The following MED13 variants were observed in gnomAD, a reference collection of about 807,000 sequenced individuals.
MED13 encodes mediator complex subunit 13, also known as mediator of RNA polymerase II transcription subunit 13.
MED13 carries 23 observed loss-of-function variants against 225.2 expected under a neutral mutation model. That is an observed-to-expected ratio of 0.10 (90% confidence interval 0.07 to 0.14). The LOEUF (loss-of-function observed/expected upper bound fraction) is 0.14. Ranked by LOEUF, MED13 falls within the 10% of genes least tolerant of loss-of-function variation. The pLI is 1.00. For synonymous variants in MED13, 942 were observed against 889.2 expected (o/e 1.06, Z -1.06); for missense variants, 2,197 against 2,594.5 (o/e 0.85, Z 3.33).
chr17:62,051,481 T>C (rs564382491), intron 3 of MED13, among the ~76,000 whole-genome samples: 3 of 152,334 alleles, frequency 2.0e-5, no homozygotes, highest in African/African-American at 7.2e-5. Flanking sequence ...AATGTTGTTC[T>C]GTCATTTCCA....
chr17:61,982,951 G>C lies in MED13; in HGVS notation c.3052C>G (p.Pro1018Ala). Reference sequence around the variant, plus strand: ...CCACCAGCTCCACGAGGAGTCCGAGGAGTCCTTGGAGTCCTTGGAGTTGGA... The same window carrying C: ...CCACCAGCTCCACGAGGAGTCCGAGCAGTCCTTGGAGTCCTTGGAGTTGGA... ...RFPTPRTPRT[P>A]RTPRGAGGPA... The change falls in exon 16 of 30, where the codon CCT becomes GCT. Residue 1018 changes from proline (P) to alanine (A), a missense_variant. Coordinates refer to ENST00000397786, the MANE Select transcript of MED13 (RefSeq NM_005121.3). The C allele has an allele frequency of 6.2e-7, 1 of 1,614,000 alleles. No individual in the cohort carries two copies. The highest frequency in any genetic ancestry group is 8.5e-7 in the Non-Finnish European group (1 of 1,179,960).
intron 16 of MED13, among the ~76,000 whole-genome samples, chr17:61,976,584 A>G (rs2080158378): frequency 6.6e-6 from 1 of 152,204 alleles, no homozygotes; most frequent in South Asian, 2.1e-4. Flanking sequence ...TGTATTTTTT[A>G]TAATTAGAAC....
intron 8 of MED13, 86 bp from the exon 9 acceptor site, chr17:62,011,319 G>T: frequency 8.8e-7 from 1 of 1,130,748 alleles, no homozygotes; most frequent in Non-Finnish European, 1.2e-6. Flanking sequence ...AGACACTTCG[G>T]TTATCATTTC....
Position 61,982,879 on chromosome 17 carries a change from A to G in MED13, c.3124T>C (p.Tyr1042His). 1 of 1,614,198 alleles carries G rather than the reference A, an allele frequency of 6.2e-7. No individual in the cohort carries two copies. ...GSVKYENSDL[Y>H]SPASTPSTCR... ...GTAGATGGGGTAGAAGCTGGTGAAT[A>G]CAAGTCTGAATTTTCATATTTGACT... The change falls in exon 16 of 30, where the codon TAT becomes CAT. Residue 1042 changes from tyrosine (Y) to histidine (H), a missense_variant. By Grantham distance (83) the Tyr-to-His change is moderately conservative. Transcript: ENST00000397786.
intron 8 of MED13, among the ~76,000 whole-genome samples, chr17:62,020,320 T>C (rs554336635): frequency 6.6e-6 from 1 of 151,426 alleles, no homozygotes; most frequent in African/African-American, 2.4e-5. Flanking sequence ...GCTCCTTTAA[T>C]TTTTTACATA....
At chr17:62,030,173 C>A (rs994384894) in intron 6 of MED13, 160 bp from the exon 7 acceptor site, 59 of 665,818 alleles carry the variant, frequency 8.9e-5, no homozygotes, top group African/African-American at 8.4e-4. Flanking sequence ...GGAACCAGAT[C>A]TCATTAGGCA....
chr17:61,961,506 CA>C (rs1217006383), intron 22 of MED13, 81 bp downstream of exon 22: 2 of 1,206,842 alleles, frequency 1.7e-6, no homozygotes, highest in African/African-American at 4.2e-5. Context: ...GGTGACAAAG[CA>C]AGGCTCCATC....
At chr17:62,047,528 G>A (rs767415540) in intron 3 of MED13, among the ~76,000 whole-genome samples, 11 of 152,014 alleles carry the variant, frequency 7.2e-5, no homozygotes, top group Non-Finnish European at 1.3e-4. Flanking sequence ...CACAGGGAGG[G>A]GAACATCACA....
At chr17:62,050,360 GAAAA>G (rs555050127) in intron 3 of MED13, among the ~76,000 whole-genome samples, 5 of 102,176 alleles carry the variant, frequency 4.9e-5, no homozygotes, top group South Asian at 2.9e-4. Context: ...CTCCGTATCA[GAAAA>G]AAAAAAAAAA....
chr17:61,966,685 A>T, intron 18 of MED13, 34 bp from the exon 19 acceptor site: 2 of 1,420,986 alleles, frequency 1.4e-6, no homozygotes, highest in Non-Finnish European at 1.9e-6. Flanking sequence ...AGAATTAGTA[A>T]ATTTATTATT....
intron 8 of MED13, among the ~76,000 whole-genome samples, chr17:62,027,029 C>A (rs945084084): frequency 3.3e-5 from 5 of 152,146 alleles, no homozygotes; most frequent in African/African-American, 4.8e-5. Context: ...AATTTGGATT[C>A]AATGCTATTC....
intron 3 of MED13, among the ~76,000 whole-genome samples, chr17:62,042,391 G>A (rs568754274): frequency 3.3e-5 from 5 of 151,886 alleles, no homozygotes; most frequent in Admixed American, 6.6e-5. Context: ...GTGAAACCCC[G>A]ACTCTACTAA....
At chr17:61,962,318 T>A (rs1039188787) in intron 21 of MED13, among the ~76,000 whole-genome samples, 1 of 152,060 alleles carries the variant, frequency 6.6e-6, no homozygotes, top group East Asian at 1.9e-4. Flanking sequence ...CTGTAAAATT[T>A]TCTATATAAC....
intron 8 of MED13, among the ~76,000 whole-genome samples, chr17:62,019,836 C>A (rs1197869493): frequency 6.6e-6 from 1 of 151,776 alleles, no homozygotes; most frequent in Non-Finnish European, 1.5e-5. Flanking sequence ...CTCTGCCTGC[C>A]AGGTTCACGC....
chr17:61,984,139 G>A (rs2080228404), intron 15 of MED13, 32 bp downstream of exon 15: 1 of 1,400,516 alleles, frequency 7.1e-7, no homozygotes, highest in Admixed American at 2.7e-5. Flanking sequence ...TGTATAAGCA[G>A]TCACATACTA....
chr17:62,044,244 AT>A (rs1445804272), intron 3 of MED13, among the ~76,000 whole-genome samples: 2 of 151,948 alleles, frequency 1.3e-5, no homozygotes, highest in African/African-American at 4.8e-5. Context: ...AAAAAAAAAA[AT>A]CGATGAATTT....
At chr17:62,056,909 G>A (rs1568006832) in intron 2 of MED13, among the ~76,000 whole-genome samples, 1 of 151,912 alleles carries the variant, frequency 6.6e-6, no homozygotes, top group East Asian at 1.9e-4. Context: ...ACTATTTATT[G>A]GAAGAAAACA....
At chr17:61,961,117 T>A (rs371591437) in intron 22 of MED13, 27 bp from the exon 23 acceptor site, 7 of 1,489,000 alleles carry the variant, frequency 4.7e-6, no homozygotes, top group Non-Finnish European at 6.5e-6. Flanking sequence ...TAAGGTATTA[T>A]CATACTATAC....
Position 61,945,685 on chromosome 17 carries a change from C to A in MED13, c.*783G>T, listed in dbSNP as rs1261336375. 1 of 152,522 alleles carries A rather than the reference C, an allele frequency of 6.6e-6. No homozygotes were observed. The highest frequency in any genetic ancestry group is 2.4e-5 in the African/African-American group (1 of 41,394). The allele number at this position is 152,522 out of a possible 1,614,324, so 9.4% of individuals were successfully genotyped here. A position where few individuals can be genotyped will look rare whatever the true frequency, so the allele number is the denominator to read the frequency against. On this transcript the variant is annotated 3_prime_UTR_variant, in exon 30 of 30. Transcript: ENST00000397786. Reference sequence around the variant, plus strand: ...ATATAAAATGCTGTAAGACCTGGTACCTTTTCAATTTATAAACACAGTGAA... The same window carrying A: ...ATATAAAATGCTGTAAGACCTGGTAACTTTTCAATTTATAAACACAGTGAA...
Sources: allele counts gnomAD v4.1 joint callset (sites outside exome capture counted in the v4.1 genomes callset), GRCh38; gene constraint gnomAD v4.1.1; transcripts MANE v1.5; gene names NCBI Gene and HGNC (gene_info 2026-07-23, HGNC 2026-07-21).